Variants in MROH9 observed in about 807,000 individuals in gnomAD.
MROH9 encodes the protein maestro heat like repeat family member 9.
Under a neutral mutation model 98.2 loss-of-function variants are expected in MROH9, and 92 were observed. The ratio of observed to expected loss-of-function variants is 0.94; its 90% confidence interval spans 0.79 to 1.11. The LOEUF is 1.11. Ranked by LOEUF, MROH9 falls within the 50% of genes most tolerant of loss-of-function variation. The pLI is 0.00. For synonymous variants in MROH9, 397 were observed against 368.9 expected (o/e 1.08, Z -0.87); for missense variants, 1,057 against 1,014.8 (o/e 1.04, Z -0.57).
At chr1:171,012,105 ATT>A (rs1203518529) in intron 15 of MROH9, among the ~76,000 whole-genome samples, 1 of 151,788 alleles carries the variant, frequency 6.6e-6, no homozygotes, top group African/African-American at 2.4e-5. Context: ...ATTGTTTTTT[ATT>A]TTGTTGTCAT....
At chr1:171,043,738 T>C (rs1353710532) in intron 20 of MROH9, among the ~76,000 whole-genome samples, 1 of 152,090 alleles carries the variant, frequency 6.6e-6, no homozygotes, top group Non-Finnish European at 1.5e-5. Context: ...ATTTTATGTG[T>C]GGCTATTAGA....
In MROH9 at chr1:171,004,032, C is replaced by G. The variant is rs529839672; in HGVS notation, c.1596+5758C>G. 3.9e-5 allele frequency among the ~76,000 whole-genome samples: 6 copies of G among 152,078 alleles called. No homozygotes were observed. In the South Asian group the frequency reaches 1.2e-3, roughly 32 times the overall value. ...TGGTCAGGGAAGTTGGGGAAAGTGG[C>G]AGTCACGAGCTTCACCCAGCTTCCA... is the stretch of plus-strand genomic sequence containing the variant. On this transcript the variant is annotated intron_variant, in intron 15 of 21. Coordinates refer to ENST00000367759, the MANE Select transcript of MROH9 (RefSeq NM_001163629.2).
intron 17 of MROH9, among the ~76,000 whole-genome samples, chr1:171,020,168 C>T (rs1181986294): frequency 6.6e-6 from 1 of 151,066 alleles, no homozygotes; most frequent in Non-Finnish European, 1.5e-5. Flanking sequence ...ATTTCACAGC[C>T]AAATTCTACT....
intron 20 of MROH9, among the ~76,000 whole-genome samples, chr1:171,028,786 G>A (rs1453869426): frequency 1.3e-5 from 2 of 152,000 alleles, no homozygotes; most frequent in African/African-American, 2.4e-5. Flanking sequence ...TCTTCGTAGC[G>A]ATTATGAATG....
chr1:171,013,082 C>A (rs1652215002), intron 15 of MROH9, among the ~76,000 whole-genome samples: 1 of 152,146 alleles, frequency 6.6e-6, no homozygotes, highest in Non-Finnish European at 1.5e-5. Context: ...ACATGGTTCA[C>A]CATCCTTGAA....
chr1:170,947,018 A>G (rs1363406673), intron 2 of MROH9, among the ~76,000 whole-genome samples: 2 of 150,696 alleles, frequency 1.3e-5, no homozygotes, highest in Non-Finnish European at 2.9e-5. Flanking sequence ...TGATGGTGGT[A>G]GTAATGATAA....
At chr1:171,037,726 CA>C (rs1653152345) in intron 20 of MROH9, among the ~76,000 whole-genome samples, 1 of 151,952 alleles carries the variant, frequency 6.6e-6, no homozygotes, top group Non-Finnish European at 1.5e-5. Flanking sequence ...ATTAAAATCA[CA>C]TGGAATGAAT....
chr1:171,017,474 G>A (rs978329399), intron 17 of MROH9, among the ~76,000 whole-genome samples: 5 of 152,182 alleles, frequency 3.3e-5, no homozygotes, highest in South Asian at 4.1e-4. Context: ...TCCCAAACAC[G>A]GAGCTGCACA....
At chr1:170,935,686 C>A (rs1014454740) in intron 1 of MROH9, 99 bp downstream of exon 1, 1 of 151,902 alleles carries the variant, frequency 6.6e-6, no homozygotes, top group Non-Finnish European at 1.5e-5. Context: ...AGAAAAAGAA[C>A]CATGAATACA....
Position 170,983,554 on chromosome 1 carries a change from T to G in MROH9, c.729+20T>G. Reference sequence around the variant, plus strand: ...GCTCAGGTAACTTAGCCCCCACTTTTTCCGAGGGCTTTTGTTTATGTGTAT... The same window carrying G: ...GCTCAGGTAACTTAGCCCCCACTTTGTCCGAGGGCTTTTGTTTATGTGTAT... On this transcript the variant is annotated intron_variant, in intron 9 of 21. Transcript: ENST00000367759. 1 of 1,407,234 alleles carries G rather than the reference T, an allele frequency of 7.1e-7. No homozygotes were observed. The highest frequency in any genetic ancestry group is 1.0e-6 in the Non-Finnish European group (1 of 995,212). The allele number at this position is 1,407,234 out of a possible 1,614,324, so 87.2% of individuals were successfully genotyped here.
chr1:170,955,580 A>G (rs1440964838), intron 3 of MROH9, among the ~76,000 whole-genome samples: 1 of 152,022 alleles, frequency 6.6e-6, no homozygotes, highest in Non-Finnish European at 1.5e-5. Context: ...GTGATGTTAA[A>G]CATTTTTTCA....
At position 170,959,569 on chromosome 1, in the gene MROH9, G is replaced by T. The variant is rs1023103921; in HGVS notation, c.260G>T (p.Ser87Ile). 1.2e-6 allele frequency: 2 copies of T among 1,613,702 alleles called. No homozygotes were observed. Among genetic ancestry groups the T allele is most frequent in the Non-Finnish European group, 1.7e-6 (2 of 1,179,848 alleles). The change falls in exon 5 of 22, where the codon AGC becomes ATC. Residue 87 changes from serine to isoleucine, a missense_variant. Coordinates refer to ENST00000367759, the MANE Select transcript of MROH9 (RefSeq NM_001163629.2). ...PSLDKVKEMGSSYEYIEDMEN... is the reference protein window; with the variant it reads ...PSLDKVKEMGISYEYIEDMEN... The stretch of plus-strand genomic sequence containing the variant: ...CTTGACAAAGTAAAAGAAATGGGGA[G>T]CAGTTATGAGTACATTGAGGACATG...
intron 15 of MROH9, among the ~76,000 whole-genome samples, chr1:171,005,413 C>G (rs1235329645): frequency 1.3e-5 from 2 of 152,132 alleles, no homozygotes; most frequent in Admixed American, 1.3e-4. Context: ...AATATATGAA[C>G]ACTGGATATC....
chr1:171,003,935 G>C (rs913754916), intron 15 of MROH9, among the ~76,000 whole-genome samples: 13 of 152,112 alleles, frequency 8.5e-5, no homozygotes, highest in Admixed American at 7.2e-4. Context: ...GTAGGGGATG[G>C]GGGTGAGAGT....
intron 5 of MROH9, 33 bp from the exon 6 acceptor site, chr1:170,961,857 T>A: frequency 8.7e-7 from 1 of 1,152,188 alleles, no homozygotes. Context: ...TTTATCTAAG[T>A]CTGGCTGACT....
chr1:170,988,331 A>C (rs1316111713), intron 10 of MROH9, among the ~76,000 whole-genome samples: 1 of 152,172 alleles, frequency 6.6e-6, no homozygotes, highest in Non-Finnish European at 1.5e-5. Context: ...GAGATGCTTT[A>C]TATAGAACTC....
intron 1 of MROH9, among the ~76,000 whole-genome samples, chr1:170,941,662 C>G (rs1334627205): frequency 2.6e-5 from 4 of 152,138 alleles, no homozygotes; most frequent in Non-Finnish European, 4.4e-5. Context: ...CAATTATCCT[C>G]ATCACATTTA....
intron 7 of MROH9, among the ~76,000 whole-genome samples, chr1:170,969,321 C>A (rs1190634733): frequency 6.6e-6 from 1 of 152,098 alleles, no homozygotes; most frequent in Non-Finnish European, 1.5e-5. Context: ...AGAAGCCAGG[C>A]ACAAAAGGCT....
intron 17 of MROH9, among the ~76,000 whole-genome samples, chr1:171,017,144 G>A (rs563565231): frequency 3.6e-4 from 55 of 152,294 alleles, no homozygotes; most frequent in Middle Eastern, 6.8e-3. Flanking sequence ...TTAAAGGGGC[G>A]GGGGCCAAGA....
Sources: allele counts gnomAD v4.1 joint callset (sites outside exome capture counted in the v4.1 genomes callset), GRCh38; gene constraint gnomAD v4.1.1; transcripts MANE v1.5; gene names NCBI Gene and HGNC (gene_info 2026-07-23, HGNC 2026-07-21).